Variants in ARHGEF38 observed in about 807,000 individuals in gnomAD.
The protein encoded by ARHGEF38 is Rho guanine nucleotide exchange factor (GEF) 38.
A neutral mutation model predicts 79.9 loss-of-function variants in ARHGEF38; 79 were observed. That is an observed-to-expected ratio of 0.99 (90% confidence interval 0.82 to 1.19). The LOEUF is 1.19. Ranked by LOEUF, ARHGEF38 falls within the 50% of genes most tolerant of loss-of-function variation. The probability of loss-of-function intolerance (pLI) is 0.00; values close to 1 mark genes in which losing one functional copy is unlikely to be tolerated. For synonymous variants in ARHGEF38, 366 were observed against 328.3 expected (o/e 1.11, Z -1.24); for missense variants, 962 against 907.2 (o/e 1.06, Z -0.78).
At chr4:105,627,389 T>G (rs1397690221) in intron 3 of ARHGEF38, among the ~76,000 whole-genome samples, 1 of 152,072 alleles carries the variant, frequency 6.6e-6, no homozygotes, top group Non-Finnish European at 1.5e-5. Context: ...GGGCTGCACG[T>G]GAGAGTATGG....
chr4:105,675,601 C>G (rs1000733998), intron 13 of ARHGEF38, among the ~76,000 whole-genome samples: 1 of 152,030 alleles, frequency 6.6e-6, no homozygotes, highest in Non-Finnish European at 1.5e-5. Context: ...TACTTTGTAC[C>G]ATAATGTGGT....
At chr4:105,618,557 G>A (rs1176191066) in intron 3 of ARHGEF38, among the ~76,000 whole-genome samples, 2 of 152,172 alleles carry the variant, frequency 1.3e-5, no homozygotes, top group African/African-American at 2.4e-5. Flanking sequence ...GGAGGTAGAA[G>A]TTCCAGTGAG....
chr4:105,596,911 C>T (rs899259135), intron 2 of ARHGEF38, among the ~76,000 whole-genome samples: 4 of 152,180 alleles, frequency 2.6e-5, no homozygotes, highest in Non-Finnish European at 4.4e-5. Flanking sequence ...CAGTGCATAG[C>T]GGCTCTGCAG....
chr4:105,645,081 GAAA>G, intron 5 of ARHGEF38, 104 bp from the exon 6 acceptor site: 1 of 903,422 alleles, frequency 1.1e-6, no homozygotes, highest in Admixed American at 3.9e-5. Flanking sequence ...ATATACAAAT[GAAA>G]AAAAGAGAAA....
intron 3 of ARHGEF38, among the ~76,000 whole-genome samples, chr4:105,627,238 T>C (rs1728985051): frequency 6.6e-6 from 1 of 152,148 alleles, no homozygotes; most frequent in Non-Finnish European, 1.5e-5. Context: ...TTTTATGGCA[T>C]TTTCCTAAAC....
chr4:105,590,970 ATTAGAG>A (rs1727306762), intron 2 of ARHGEF38, among the ~76,000 whole-genome samples: 1 of 152,062 alleles, frequency 6.6e-6, no homozygotes, highest in Admixed American at 6.5e-5. Context: ...CTTTCTGTGT[ATTAGAG>A]TTATTCTTTT....
At chr4:105,561,418 TA>T in intron 1 of ARHGEF38, among the ~76,000 whole-genome samples, 1 of 49,904 alleles carries the variant, frequency 2.0e-5, no homozygotes, top group African/African-American at 9.9e-5. Flanking sequence ...TAGAATAGAA[TA>T]GAATGGAATA....
intron 13 of ARHGEF38, among the ~76,000 whole-genome samples, chr4:105,672,964 C>CGCTGGCTTCAAA (rs879584274): frequency 9.7e-4 from 148 of 152,292 alleles, no homozygotes; most frequent in Non-Finnish European, 1.9e-3. Context: ...GTGAGCATCT[C>CGCTGGCTTCAAA]TCTGGCTTCA....
intron 2 of ARHGEF38, among the ~76,000 whole-genome samples, chr4:105,592,261 C>T (rs1727375665): frequency 6.6e-6 from 1 of 152,070 alleles, no homozygotes; most frequent in Admixed American, 6.5e-5. Flanking sequence ...TCATATCCAA[C>T]AATCTTTCCT....
intron 10 of ARHGEF38, among the ~76,000 whole-genome samples, chr4:105,664,249 T>C (rs1730670194): frequency 6.6e-6 from 1 of 152,240 alleles, no homozygotes; most frequent in Admixed American, 6.5e-5. Context: ...GAGTTATACA[T>C]ACACATAAAG....
intron 13 of ARHGEF38, 107 bp from the exon 14 acceptor site, chr4:105,677,645 A>C: frequency 9.1e-7 from 1 of 1,099,822 alleles, no homozygotes; most frequent in Non-Finnish European, 1.2e-6. Context: ...TGACTTTGGC[A>C]AAACAAAAAA....
rs1437764295 is a variant in ARHGEF38, at chr4:105,646,695, G to A, written c.874+1308G>A. The stretch of plus-strand genomic sequence containing the variant: ...CTGGTAACTAGCATTGTTCATAAAT[G>A]CAAATAAAAAAGACACATTAATCCA... On this transcript the variant is annotated intron_variant, in intron 6 of 13. Coordinates refer to ENST00000420470, the MANE Select transcript of ARHGEF38 (RefSeq NM_001242729.2). Among the ~76,000 whole-genome samples the A allele has an allele frequency of 2.6e-5, 4 of 152,104 alleles. No homozygotes were observed. In the South Asian group the frequency reaches 8.3e-4, roughly 32 times the overall value.
At position 105,645,398 on chromosome 4, in the gene ARHGEF38, A is replaced by C; in HGVS notation, c.874+11A>C. ...GAAGGAAAGATTTAGGTAGGAAGAG[A>C]CATGATGAATTGGTTGTTTTCCATT... On this transcript the variant is annotated intron_variant, in intron 6 of 13. Coordinates refer to ENST00000420470, the MANE Select transcript of ARHGEF38 (RefSeq NM_001242729.2). 2 of 1,504,830 alleles carry C rather than the reference A, an allele frequency of 1.3e-6. No individual in the cohort carries two copies. The highest frequency in any genetic ancestry group is 1.8e-6 in the Non-Finnish European group (2 of 1,132,774). 93.2% of individuals were successfully genotyped at this position (1,504,830 alleles called of 1,614,324 possible). A position where few individuals can be genotyped will look rare whatever the true frequency, so the allele number is the denominator to read the frequency against.
intron 1 of ARHGEF38, among the ~76,000 whole-genome samples, chr4:105,588,376 C>T (rs989005343): frequency 1.3e-5 from 2 of 152,184 alleles, no homozygotes; most frequent in Non-Finnish European, 2.9e-5. Context: ...GAAGCAAATC[C>T]ATTTACACAC....
intron 13 of ARHGEF38, among the ~76,000 whole-genome samples, chr4:105,674,927 A>G (rs1170352317): frequency 6.6e-6 from 1 of 152,170 alleles, no homozygotes; most frequent in African/African-American, 2.4e-5. Flanking sequence ...CTATAGTTGC[A>G]TAGGTAAAGC....
intron 2 of ARHGEF38, among the ~76,000 whole-genome samples, chr4:105,610,397 T>A (rs1728241647): frequency 6.6e-6 from 1 of 152,098 alleles, no homozygotes; most frequent in African/African-American, 2.4e-5. Context: ...TTATTATATA[T>A]TGACTTGACT....
At chr4:105,589,925 G>A (rs1330805918) in intron 2 of ARHGEF38, among the ~76,000 whole-genome samples, 2 of 152,014 alleles carry the variant, frequency 1.3e-5, no homozygotes, top group East Asian at 3.9e-4. Context: ...TGTAATCCCA[G>A]CTACTTGGGA....
At chr4:105,580,864 G>A (rs1400487763) in intron 1 of ARHGEF38, among the ~76,000 whole-genome samples, 4 of 151,898 alleles carry the variant, frequency 2.6e-5, no homozygotes, top group Non-Finnish European at 4.4e-5. Flanking sequence ...TAGTAGAGGC[G>A]GGGTTTCACC....
At chr4:105,553,281 G>A (rs1312437455) in intron 1 of ARHGEF38, among the ~76,000 whole-genome samples, 1 of 151,842 alleles carries the variant, frequency 6.6e-6, no homozygotes. Context: ...TAAGAAGTGG[G>A]AAACACTGGA....
Sources: gnomAD v4.1 joint callset for allele counts (sites outside exome capture counted in the v4.1 genomes callset) on GRCh38, gnomAD v4.1.1 for gene constraint, MANE v1.5 for transcripts, NCBI Gene and HGNC (gene_info 2026-07-23, HGNC 2026-07-21) for gene names.